The following BTBD9 variants were observed in gnomAD, a reference collection of about 807,000 sequenced individuals.
BTBD9 encodes BTB domain containing 9.
Under a neutral mutation model 64.3 loss-of-function variants are expected in BTBD9, and 49 were observed. The observed-to-expected ratio is 0.76, with a 90% CI of 0.61 to 0.97. BTBD9 has a LOEUF of 0.97. BTBD9 is among the 50% of genes least tolerant of loss of function. The pLI, the probability that BTBD9 is intolerant of heterozygous loss-of-function variation, is 0.00. For missense variants in BTBD9, 598 were observed against 762.1 expected, an observed-to-expected ratio of 0.78 and a Z score of 2.53; for synonymous variants, 260 against 274.7, an observed-to-expected ratio of 0.95 and a Z score of 0.53.
At chr6:38,216,639 T>C (rs1013405532) in intron 9 of BTBD9, among the ~76,000 whole-genome samples, 4 of 152,208 alleles carry the variant, frequency 2.6e-5, no homozygotes, top group African/African-American at 9.6e-5. Flanking sequence ...GGATTTGTCA[T>C]GGTAGTGAAA....
chr6:38,595,752 T>A, intron 2 of BTBD9: 1 of 984,856 alleles, frequency 1.0e-6, no homozygotes. Flanking sequence ...AAAAGATTCA[T>A]GAATATTCTG....
At chr6:38,402,459 T>C (rs985889359) in intron 6 of BTBD9, among the ~76,000 whole-genome samples, 6 of 152,166 alleles carry the variant, frequency 3.9e-5, no homozygotes, top group Non-Finnish European at 8.8e-5. Flanking sequence ...GTAATCAAGA[T>C]AGTGTAACAC....
At chr6:38,287,102 A>AAAAG (rs1271423853) in intron 8 of BTBD9, among the ~76,000 whole-genome samples, 4 of 124,062 alleles carry the variant, frequency 3.2e-5, no homozygotes, top group Admixed American at 8.8e-5. Flanking sequence ...AAAAAAAAAA[A>AAAAG]AAAATATACA....
intron 6 of BTBD9, among the ~76,000 whole-genome samples, chr6:38,355,864 A>T (rs1370800330): frequency 6.6e-6 from 1 of 152,118 alleles, no homozygotes; most frequent in African/African-American, 2.4e-5. Flanking sequence ...ATTTACAAAC[A>T]GTTTCCTGAG....
chr6:38,279,752 A>G (rs543933811), intron 8 of BTBD9, among the ~76,000 whole-genome samples: 1 of 152,344 alleles, frequency 6.6e-6, no homozygotes, highest in South Asian at 2.1e-4. Flanking sequence ...CTACCGGTGA[A>G]GTATTTGTTT....
intron 9 of BTBD9, among the ~76,000 whole-genome samples, chr6:38,229,194 CA>C (rs34749418): frequency 0.011 from 1,310 of 114,500 alleles, 4 homozygotes; most frequent in African/African-American, 0.025. Flanking sequence ...AAGACTCTGT[CA>C]AAAAAAAAAA....
chr6:38,461,096 A>T (rs1770064644), intron 6 of BTBD9, among the ~76,000 whole-genome samples: 2 of 152,246 alleles, frequency 1.3e-5, no homozygotes, highest in African/African-American at 4.8e-5. Flanking sequence ...AGGGAATGGC[A>T]CAGTAAGTTT....
chr6:38,326,418 C>T (rs1229256823), intron 7 of BTBD9, among the ~76,000 whole-genome samples: 5 of 152,042 alleles, frequency 3.3e-5, no homozygotes, highest in Admixed American at 1.3e-4. Context: ...TGAGTGATTT[C>T]GCGTAAGAGA....
chr6:38,469,287 G>A (rs1475645998), intron 6 of BTBD9, among the ~76,000 whole-genome samples: 1 of 150,776 alleles, frequency 6.6e-6, no homozygotes, highest in East Asian at 1.9e-4. Context: ...GGGGATTAGG[G>A]CATTTAAGGA....
intron 7 of BTBD9, 56 bp downstream of exon 7, chr6:38,344,928 G>C: frequency 1.7e-6 from 2 of 1,144,816 alleles, no homozygotes; most frequent in South Asian, 2.8e-5. Flanking sequence ...GAGTAACAAA[G>C]TATTTGAAGA....
chr6:38,524,240 CA>C lies in BTBD9; in HGVS notation c.1154+53359del, dbSNP rs562943315. ...TGACTTCAAACAATTTTTAAGTATACAAAAGGTTTAATTAAAGGAAAGTGGT... is the reference window on the plus strand; with the variant it reads ...TGACTTCAAACAATTTTTAAGTATACAAAGGTTTAATTAAAGGAAAGTGGT... On this transcript the variant is annotated intron_variant, in intron 6 of 10. Transcript: ENST00000481247. 7.2e-5 allele frequency among the ~76,000 whole-genome samples: 11 copies of C among 152,006 alleles called. No individual in the cohort carries two copies. In the South Asian group the frequency reaches 2.3e-3, roughly 32 times the overall value.
At chr6:38,539,087 AC>A (rs1774152306) in intron 6 of BTBD9, among the ~76,000 whole-genome samples, 1 of 151,908 alleles carries the variant, frequency 6.6e-6, no homozygotes, top group Non-Finnish European at 1.5e-5. Context: ...ATTACAGCAA[AC>A]CTAACTAATT....
At chr6:38,248,346 G>C (rs1764279860) in intron 9 of BTBD9, among the ~76,000 whole-genome samples, 1 of 152,322 alleles carries the variant, frequency 6.6e-6, no homozygotes, top group Non-Finnish European at 1.5e-5. Flanking sequence ...GAATTCTCAA[G>C]TGGAAAAAGA....
At chr6:38,536,281 T>C (rs1321700913) in intron 6 of BTBD9, among the ~76,000 whole-genome samples, 3 of 152,130 alleles carry the variant, frequency 2.0e-5, no homozygotes, top group Non-Finnish European at 2.9e-5. Flanking sequence ...TGAGGTATCA[T>C]CTCATCCCAG....
At chr6:38,282,235 T>C (rs1481842744) in intron 8 of BTBD9, among the ~76,000 whole-genome samples, 1 of 152,222 alleles carries the variant, frequency 6.6e-6, no homozygotes, top group Non-Finnish European at 1.5e-5. Context: ...ATAATTACTA[T>C]TCAATTATCC....
intron 7 of BTBD9, among the ~76,000 whole-genome samples, chr6:38,336,427 T>C (rs1450912497): frequency 3.9e-5 from 6 of 152,050 alleles, no homozygotes; most frequent in African/African-American, 1.2e-4. Context: ...CTTATAACCA[T>C]GGCAGAAGGG....
chr6:38,379,684 A>G (rs1180960613), intron 6 of BTBD9, among the ~76,000 whole-genome samples: 1 of 152,218 alleles, frequency 6.6e-6, no homozygotes, highest in Non-Finnish European at 1.5e-5. Flanking sequence ...TGTAAAAAAG[A>G]TTATCAATAA....
chr6:38,460,785 G>A (rs899747772), intron 6 of BTBD9, among the ~76,000 whole-genome samples: 5 of 152,004 alleles, frequency 3.3e-5, no homozygotes, highest in South Asian at 2.1e-4. Context: ...CATCACGCCC[G>A]GCTAACTTTT....
chr6:38,215,492 T>C (rs1166296274), intron 9 of BTBD9, among the ~76,000 whole-genome samples: 1 of 152,198 alleles, frequency 6.6e-6, no homozygotes. Flanking sequence ...GAGCTGCTAA[T>C]GAAGGCCCTG....
Sources: gnomAD v4.1 joint callset for allele counts (sites outside exome capture counted in the v4.1 genomes callset) on GRCh38, gnomAD v4.1.1 for gene constraint, MANE v1.5 for transcripts, NCBI Gene and HGNC (gene_info 2026-07-23, HGNC 2026-07-21) for gene names.